LDLRAD4: variants seen among roughly 807,000 people sequenced by gnomAD.
LDLRAD4 encodes the protein low-density lipoprotein receptor class A domain-containing protein 4.
Under a neutral mutation model 17.0 loss-of-function variants are expected in LDLRAD4, and 5 were observed. The observed-to-expected ratio is 0.29, with a 90% CI of 0.15 to 0.62. LDLRAD4 has a LOEUF of 0.62. Among genes scored for constraint, LDLRAD4 ranks in the 20% least tolerant of loss-of-function variants. The pLI is 0.84. For synonymous variants in LDLRAD4, 168 were observed against 171.8 expected (o/e 0.98, Z 0.17); for missense variants, 340 against 424.7 (o/e 0.80, Z 1.75).
At chr18:13,507,531 A>G (rs758065711) in intron 3 of LDLRAD4, among the ~76,000 whole-genome samples, 11 of 152,242 alleles carry the variant, frequency 7.2e-5, no homozygotes, top group Non-Finnish European at 7.3e-5. Flanking sequence ...CATGGTGTGT[A>G]TATCTACCAC....
intron 2 of LDLRAD4, among the ~76,000 whole-genome samples, chr18:13,407,073 G>A (rs896152328): frequency 1.3e-5 from 2 of 152,184 alleles, no homozygotes; most frequent in African/African-American, 4.8e-5. Flanking sequence ...AAAGTGCGTG[G>A]CGGTATGCAT....
chr18:13,463,294 C>T (rs924875784), intron 3 of LDLRAD4, among the ~76,000 whole-genome samples: 1 of 152,172 alleles, frequency 6.6e-6, no homozygotes, highest in African/African-American at 2.4e-5. Context: ...CTTCCTGTAC[C>T]TCTTTTGGAG....
intron 1 of LDLRAD4, among the ~76,000 whole-genome samples, chr18:13,328,513 C>T (rs1568013011): frequency 6.6e-6 from 1 of 152,236 alleles, no homozygotes; most frequent in Non-Finnish European, 1.5e-5. Context: ...CTGCAGGCTG[C>T]AGCCCTTTCT....
chr18:13,545,225 G>T (rs935443459), intron 3 of LDLRAD4, among the ~76,000 whole-genome samples: 2 of 152,064 alleles, frequency 1.3e-5, no homozygotes, highest in South Asian at 2.1e-4. Context: ...GCGTGTTTTT[G>T]ATCTTGCTCC....
chr18:13,556,733 A>G (rs1284419), intron 3 of LDLRAD4, among the ~76,000 whole-genome samples: 88,867 of 151,900 alleles, frequency 0.59, 26,213 homozygotes, highest in African/African-American at 0.62. Flanking sequence ...CATGATGGGG[A>G]GTGGTTGTCA....
chr18:13,285,259 T>C (rs2045554821), intron 1 of LDLRAD4, among the ~76,000 whole-genome samples: 1 of 152,118 alleles, frequency 6.6e-6, no homozygotes, highest in African/African-American at 2.4e-5. Context: ...TTGATAGGAT[T>C]CTCAGGAGGG....
chr18:13,313,051 T>A (rs1567995445), intron 1 of LDLRAD4, among the ~76,000 whole-genome samples: 1 of 152,186 alleles, frequency 6.6e-6, no homozygotes, highest in Non-Finnish European at 1.5e-5. Context: ...TGGGCTGCTG[T>A]GCGTGCTGTG....
intron 3 of LDLRAD4, among the ~76,000 whole-genome samples, chr18:13,544,458 A>G (rs1186650613): frequency 6.6e-6 from 1 of 152,230 alleles, no homozygotes; most frequent in Non-Finnish European, 1.5e-5. Flanking sequence ...GAAAACAAAG[A>G]TGGGTACAAA....
intron 3 of LDLRAD4, among the ~76,000 whole-genome samples, chr18:13,571,209 A>C (rs1302721506): frequency 6.6e-6 from 1 of 152,226 alleles, no homozygotes; most frequent in Non-Finnish European, 1.5e-5. Flanking sequence ...AAAAATTAGA[A>C]AAGCAGATGT....
intron 1 of LDLRAD4, among the ~76,000 whole-genome samples, chr18:13,323,417 G>A (rs1227432067): frequency 6.6e-6 from 1 of 152,198 alleles, no homozygotes; most frequent in Non-Finnish European, 1.5e-5. Flanking sequence ...GCTGGATGTG[G>A]GAAAAGGAAT....
chr18:13,355,141 A>T (rs948557994), intron 1 of LDLRAD4, among the ~76,000 whole-genome samples: 10 of 152,238 alleles, frequency 6.6e-5, no homozygotes, highest in African/African-American at 2.4e-4. Flanking sequence ...GGCCTCTCAG[A>T]TGAGGCGCGT....
chr18:13,438,217 T>C (rs780488637), intron 2 of LDLRAD4, 27 bp from the exon 4 acceptor site: 8 of 1,611,108 alleles, frequency 5.0e-6, no homozygotes, highest in Non-Finnish European at 5.9e-6. Flanking sequence ...CATTGACTGC[T>C]CCATGCTTTA....
intron 1 of LDLRAD4, among the ~76,000 whole-genome samples, chr18:13,307,939 T>TA (rs1243561008): frequency 6.6e-6 from 1 of 152,206 alleles, no homozygotes; most frequent in Non-Finnish European, 1.5e-5. Flanking sequence ...AACCTCTATT[T>TA]AAGGGCAACT....
At chr18:13,640,886 C>G (rs2042492355) in intron 4 of LDLRAD4, among the ~76,000 whole-genome samples, 1 of 152,164 alleles carries the variant, frequency 6.6e-6, no homozygotes, top group Non-Finnish European at 1.5e-5. Flanking sequence ...AATTTAGTTA[C>G]TTATTTAACA....
chr18:13,650,591 A>C (rs1336724896), exon 6 of LDLRAD4: 12 of 387,974 alleles, frequency 3.1e-5, no homozygotes, highest in Non-Finnish European at 5.0e-5. Context: ...TGCCTCACTT[A>C]AAATGGTGCT....
At chr18:13,556,109 C>T (rs1249431210) in intron 3 of LDLRAD4, among the ~76,000 whole-genome samples, 1 of 152,168 alleles carries the variant, frequency 6.6e-6, no homozygotes, top group Admixed American at 6.5e-5. Context: ...TCTTCTACAG[C>T]TTCAGTGTAT....
At chr18:13,449,912 G>A (rs35450105) in intron 3 of LDLRAD4, among the ~76,000 whole-genome samples, 4 of 152,164 alleles carry the variant, frequency 2.6e-5, no homozygotes, top group African/African-American at 4.8e-5. Context: ...ATGGGGCCGG[G>A]GTGGTGGCTG....
At chr18:13,230,242 C>T (rs911192365) in intron 1 of LDLRAD4, among the ~76,000 whole-genome samples, 1 of 152,136 alleles carries the variant, frequency 6.6e-6, no homozygotes, top group Admixed American at 6.6e-5. Context: ...GTCCCATCCA[C>T]CAGAACTAGG....
chr18:13,642,654 G>C (rs2042679509), intron 4 of LDLRAD4: 1 of 1,231,248 alleles, frequency 8.1e-7, no homozygotes, highest in East Asian at 3.2e-5. Flanking sequence ...GCACGGGCGG[G>C]CCCCGGGCCA....
Sources: gnomAD v4.1 joint callset for allele counts (sites outside exome capture counted in the v4.1 genomes callset) on GRCh38, gnomAD v4.1.1 for gene constraint, MANE v1.5 for transcripts, NCBI Gene and HGNC (gene_info 2026-07-23, HGNC 2026-07-21) for gene names.